The following EXOC2 variants were observed in gnomAD, a reference collection of about 807,000 sequenced individuals.
EXOC2 encodes the protein exocyst complex component 2, also known as SEC5-like 1.
Under a neutral mutation model 131.8 loss-of-function variants are expected in EXOC2, and 70 were observed. The observed-to-expected ratio is 0.53, with a 90% CI of 0.44 to 0.65. EXOC2 has a LOEUF of 0.65. EXOC2 is among the 30% of genes least tolerant of loss of function. The pLI is 0.00. For synonymous variants in EXOC2, 411 were observed against 398.4 expected (o/e 1.03, Z -0.38); for missense variants, 923 against 1,108.6 (o/e 0.83, Z 2.38).
At chr6:626,440 C>T (rs1467444290) in intron 4 of EXOC2, among the ~76,000 whole-genome samples, 1 of 152,176 alleles carries the variant, frequency 6.6e-6, no homozygotes, top group Non-Finnish European at 1.5e-5. Context: ...TCAGCTGAAC[C>T]GGACACCACA....
chr6:518,860 G>A (rs1377318927), intron 23 of EXOC2, among the ~76,000 whole-genome samples: 1 of 152,088 alleles, frequency 6.6e-6, no homozygotes, highest in Non-Finnish European at 1.5e-5. Context: ...TCCAAACTTC[G>A]TAAATGTAAT....
chr6:529,985 G>A (rs1473630984), intron 23 of EXOC2, among the ~76,000 whole-genome samples: 3 of 152,216 alleles, frequency 2.0e-5, no homozygotes, highest in Non-Finnish European at 2.9e-5. Context: ...ACAGACAGAC[G>A]TGCTGATGTG....
At chr6:629,761 TC>T (rs778678475) in intron 4 of EXOC2, 73 bp downstream of exon 4, 3 of 1,551,964 alleles carry the variant, frequency 1.9e-6, no homozygotes, top group Admixed American at 3.7e-5. Flanking sequence ...GGAGTTTGAG[TC>T]CCTTTCCTGT....
chr6:517,219 C>G (rs150684760), intron 23 of EXOC2, among the ~76,000 whole-genome samples: 2 of 152,038 alleles, frequency 1.3e-5, no homozygotes, highest in Admixed American at 6.5e-5. Flanking sequence ...TTCCTCCCAA[C>G]GGCTGATTCT....
At chr6:626,899 T>A (rs563484061) in intron 4 of EXOC2, among the ~76,000 whole-genome samples, 1 of 152,300 alleles carries the variant, frequency 6.6e-6, no homozygotes, top group African/African-American at 2.4e-5. Flanking sequence ...GGCCGCAAAC[T>A]TTTTTAAGTA....
At chr6:638,251 T>G (rs377601190) in intron 1 of EXOC2, among the ~76,000 whole-genome samples, 12 of 152,326 alleles carry the variant, frequency 7.9e-5, no homozygotes, top group African/African-American at 2.6e-4. Flanking sequence ...ACTATACTCA[T>G]AAAAATAAAA....
intron 1 of EXOC2, among the ~76,000 whole-genome samples, chr6:692,644 G>A (rs1290826306): frequency 6.6e-6 from 1 of 152,276 alleles, no homozygotes; most frequent in Non-Finnish European, 1.5e-5. Context: ...CACTTTTCCG[G>A]AGAAATTCTC....
intron 4 of EXOC2, among the ~76,000 whole-genome samples, chr6:624,715 C>A (rs766009914): frequency 2.0e-5 from 3 of 152,056 alleles, no homozygotes; most frequent in African/African-American, 4.8e-5. Flanking sequence ...CAGGAGAGTG[C>A]GAAAGGGGAG....
intron 6 of EXOC2, among the ~76,000 whole-genome samples, chr6:615,295 G>A (rs1260166628): frequency 6.6e-6 from 1 of 152,114 alleles, no homozygotes; most frequent in South Asian, 2.1e-4. Flanking sequence ...CCACTGCAGT[G>A]TCTGTTCAGG....
rs1195982652 is a variant in EXOC2, at chr6:632,357, A to G, written c.295+584T>C. On this transcript the variant is annotated intron_variant, in intron 3 of 27. Coordinates refer to ENST00000230449, the MANE Select transcript of EXOC2 (RefSeq NM_018303.6). Reference sequence around the variant, plus strand: ...CATGACTTCTCAGACCAAGTTCCTAACGCTGCTAACGTAAGGCAGCAAGTT... The same window carrying G: ...CATGACTTCTCAGACCAAGTTCCTAGCGCTGCTAACGTAAGGCAGCAAGTT... Among the ~76,000 whole-genome samples the G allele has an allele frequency of 2.0e-5, 3 of 152,152 alleles. No individual in the cohort carries two copies. The East Asian group carries it at 5.8e-4, about 30-fold the overall frequency.
chr6:557,031 A>G (rs1757451302), intron 17 of EXOC2, among the ~76,000 whole-genome samples: 1 of 152,224 alleles, frequency 6.6e-6, no homozygotes, highest in South Asian at 2.1e-4. Context: ...TATCAGATAG[A>G]TTGTAAACAG....
chr6:659,828 G>C lies in EXOC2; in HGVS notation c.-43-21967C>G, dbSNP rs191994573. On this transcript the variant is annotated intron_variant, in intron 1 of 27. Transcript: ENST00000230449. ...AGAAGGAAATCTCTAACTGAACTTT[G>C]TAACAATTTCAAGGGACTGAGAAGC... 2.1e-3 allele frequency among the ~76,000 whole-genome samples: 326 copies of C among 152,274 alleles called. 3 individuals carry two copies. Among genetic ancestry groups the C allele is most frequent in the Admixed American group, 0.016 (247 of 15,294 alleles).
chr6:514,071 C>T (rs1465896935), intron 23 of EXOC2, among the ~76,000 whole-genome samples: 2 of 152,182 alleles, frequency 1.3e-5, no homozygotes, highest in Non-Finnish European at 1.5e-5. Context: ...ACCAAATGCT[C>T]CTTGACGGCT....
chr6:565,529 T>C (rs763647173), intron 13 of EXOC2, among the ~76,000 whole-genome samples: 4 of 152,204 alleles, frequency 2.6e-5, no homozygotes, highest in Non-Finnish European at 5.9e-5. Context: ...CCTGTTCAGT[T>C]GGATTTCAGA....
intron 23 of EXOC2, among the ~76,000 whole-genome samples, chr6:516,325 G>A (rs1191536084): frequency 1.3e-5 from 2 of 152,154 alleles, no homozygotes; most frequent in African/African-American, 4.8e-5. Flanking sequence ...CAGCTGCTAG[G>A]CCACGCGTAC....
intron 1 of EXOC2, among the ~76,000 whole-genome samples, chr6:689,832 A>T (rs769594384): frequency 1.3e-5 from 2 of 152,250 alleles, no homozygotes; most frequent in African/African-American, 2.4e-5. Context: ...CACAAGTGCT[A>T]TAAGACAAGT....
intron 1 of EXOC2, among the ~76,000 whole-genome samples, chr6:662,211 C>G (rs1190036112): frequency 6.6e-6 from 1 of 152,080 alleles, no homozygotes; most frequent in Non-Finnish European, 1.5e-5. Flanking sequence ...TAGTGGGGGA[C>G]TTCAATACTC....
intron 17 of EXOC2, among the ~76,000 whole-genome samples, chr6:557,404 G>T (rs542148818): frequency 6.6e-4 from 100 of 152,214 alleles, no homozygotes; most frequent in African/African-American, 2.3e-3. Flanking sequence ...CGGATCACGA[G>T]GTCAAGAGAT....
At chr6:551,127 C>T (rs777120778) in intron 21 of EXOC2, among the ~76,000 whole-genome samples, 3 of 152,194 alleles carry the variant, frequency 2.0e-5, no homozygotes, top group South Asian at 2.1e-4. Context: ...AAGATGGAGA[C>T]GCACGTTTGA....
Sources: gnomAD v4.1 joint callset for allele counts (sites outside exome capture counted in the v4.1 genomes callset) on GRCh38, gnomAD v4.1.1 for gene constraint, MANE v1.5 for transcripts, NCBI Gene and HGNC (gene_info 2026-07-23, HGNC 2026-07-21) for gene names.